SESN2: variants seen among roughly 807,000 people sequenced by gnomAD.
The protein encoded by SESN2 is sestrin-2.
A neutral mutation model predicts 56.0 loss-of-function variants in SESN2; 42 were observed. The observed-to-expected ratio is 0.75, with a 90% CI of 0.59 to 0.97. The LOEUF is 0.97. SESN2 is among the 50% of genes least tolerant of loss of function. SESN2 has a pLI of 0.00. For synonymous variants in SESN2, 264 were observed against 267.1 expected (o/e 0.99, Z 0.11); for missense variants, 507 against 649.4 (o/e 0.78, Z 2.38).
chr1:28,264,048 G>A (rs1245942519), intron 1 of SESN2, among the ~76,000 whole-genome samples: 1 of 144,608 alleles, frequency 6.9e-6, no homozygotes, highest in Non-Finnish European at 1.5e-5. Context: ...AACACAGTGA[G>A]ACCTCATCTC....
At position 28,274,045 on chromosome 1, in the gene SESN2, A is replaced by G. The variant is rs1363467521; in HGVS notation, c.907A>G (p.Ile303Val). 6 of 1,611,012 alleles carry G rather than the reference A, an allele frequency of 3.7e-6. No individual in the cohort carries two copies. The highest frequency in any genetic ancestry group is 1.7e-5 in the Admixed American group (1 of 60,012). The stretch of plus-strand genomic sequence containing the variant: ...GACCTCTTTCTGGTCCTCAGCTGAC[A>G]TCCTGGAGCCCTCTCCACACCCAGA... The part of the protein sequence containing the change: ...ESLLVTPSAD[I>V]LEPSPHPDML... Residue 303 changes from isoleucine to valine, a missense_variant, in exon 7 of 10, where the codon ATC (isoleucine) becomes GTC (valine). Coordinates refer to ENST00000253063, the MANE Select transcript of SESN2 (RefSeq NM_031459.5).
chr1:28,259,978 C>A (rs914165129), intron 1 of SESN2, 41 bp downstream of exon 1: 10 of 1,417,564 alleles, frequency 7.1e-6, no homozygotes, highest in Non-Finnish European at 7.6e-6. Context: ...CCTGGAACCC[C>A]GAACCGCGTC....
chr1:28,260,199 C>T (rs549226113), intron 1 of SESN2, among the ~76,000 whole-genome samples: 1 of 151,074 alleles, frequency 6.6e-6, no homozygotes, highest in African/African-American at 2.4e-5. Flanking sequence ...ACCCCAGGGC[C>T]GCGGATCCTT....
intron 1 of SESN2, among the ~76,000 whole-genome samples, chr1:28,262,901 C>G (rs1374326271): frequency 2.6e-5 from 4 of 152,202 alleles, no homozygotes; most frequent in Admixed American, 2.0e-4. Context: ...GTACTCCAGC[C>G]TGGGTGACAG....
intron 9 of SESN2, among the ~76,000 whole-genome samples, chr1:28,280,333 A>G (rs913263087): frequency 2.0e-5 from 3 of 152,270 alleles, no homozygotes; most frequent in Admixed American, 6.5e-5. Flanking sequence ...CAGCTTTCCA[A>G]GTAGCTGGGA....
chr1:28,270,975 A>C (rs1490456966), intron 2 of SESN2, among the ~76,000 whole-genome samples: 2 of 152,174 alleles, frequency 1.3e-5, no homozygotes, highest in Non-Finnish European at 2.9e-5. Flanking sequence ...TGAGCCCAGG[A>C]GTTCGAGACC....
intron 9 of SESN2, among the ~76,000 whole-genome samples, chr1:28,279,861 G>GTT (rs111777051): frequency 2.0e-5 from 3 of 146,692 alleles, no homozygotes; most frequent in Non-Finnish European, 3.0e-5. Flanking sequence ...TTTTTATCCT[G>GTT]TTTTTTTTTT....
In SESN2 at chr1:28,281,758, G is replaced by A. The variant is rs61785869; in HGVS notation, c.*956G>A. 2.2e-3 allele frequency: 331 copies of A among 152,402 alleles called. 1 individual carries two copies. The highest frequency in any genetic ancestry group is 3.7e-3 in the Non-Finnish European group (252 of 68,104). The allele number at this position is 152,402 out of a possible 1,614,324, so 9.4% of individuals were successfully genotyped here. A position where few individuals can be genotyped will look rare whatever the true frequency, so the allele number is the denominator to read the frequency against. ...GGCACCATGGCTCAGCAGGAGGGGC[G>A]GGAGGCACCAGGGTTCTTGTTTGGA... is the stretch of plus-strand genomic sequence containing the variant. On this transcript the variant is annotated 3_prime_UTR_variant, in exon 10 of 10. Coordinates refer to ENST00000253063, the MANE Select transcript of SESN2 (RefSeq NM_031459.5).
At position 28,281,809 on chromosome 1, in the gene SESN2, G is replaced by A. The variant is rs1484514688; in HGVS notation, c.*1007G>A. Reference sequence around the variant, plus strand: ...CCCTGCCCCTGGGCCATGGCCAGGTGACCATGGCTACATTGCCAAACCTCT... The same window carrying A: ...CCCTGCCCCTGGGCCATGGCCAGGTAACCATGGCTACATTGCCAAACCTCT... On this transcript the variant is annotated 3_prime_UTR_variant, in exon 10 of 10. Transcript: ENST00000253063. 1 of 152,224 alleles carries A rather than the reference G, an allele frequency of 6.6e-6. No homozygotes were observed. The highest frequency in any genetic ancestry group is 1.5e-5 in the Non-Finnish European group (1 of 68,086). 9.4% of individuals were successfully genotyped at this position (152,224 alleles called of 1,614,324 possible).
At chr1:28,279,632 A>G (rs1490547496) in intron 9 of SESN2, among the ~76,000 whole-genome samples, 1 of 149,962 alleles carries the variant, frequency 6.7e-6, no homozygotes, top group African/African-American at 2.5e-5. Flanking sequence ...TGCAACTTCC[A>G]CCTCCCAAGT....
Position 28,280,042 on chromosome 1 carries a change from T to G in SESN2, c.1357-674T>G, listed in dbSNP as rs115655878. On this transcript the variant is annotated intron_variant, in intron 9 of 9. Transcript: ENST00000253063. ...TAGTAGAGATAAGGTCTCACTGTGTTGTCCATCCTGGTCTCAACCTCCTGA... is the reference window on the plus strand; with the variant it reads ...TAGTAGAGATAAGGTCTCACTGTGTGGTCCATCCTGGTCTCAACCTCCTGA... Among the ~76,000 whole-genome samples the G allele has an allele frequency of 1.5e-3, 235 of 151,932 alleles. 1 individual carries two copies. Among genetic ancestry groups the G allele is most frequent in the African/African-American group, 5.5e-3 (226 of 41,454 alleles).
chr1:28,270,855 C>T (rs1032318919), intron 2 of SESN2, among the ~76,000 whole-genome samples: 5 of 152,110 alleles, frequency 3.3e-5, no homozygotes, highest in Non-Finnish European at 5.9e-5. Flanking sequence ...AGATGTGAGC[C>T]ACCGTGCCCA....
intron 2 of SESN2, 34 bp downstream of exon 2, chr1:28,269,282 C>G: frequency 6.6e-7 from 1 of 1,519,880 alleles, no homozygotes; most frequent in Non-Finnish European, 9.1e-7. Context: ...TCTTTGGTCC[C>G]TGGGAAGAAA....
intron 8 of SESN2, among the ~76,000 whole-genome samples, chr1:28,278,260 G>A (rs552814306): frequency 1.3e-5 from 2 of 152,158 alleles, no homozygotes. Flanking sequence ...CCTGAGCTAG[G>A]CAGAGCTGGG....
Position 28,272,752 on chromosome 1 carries a change from C to A in SESN2, c.709C>A (p.Gln237Lys). ...CCAGGCACCTACACCCCCTAGTGAA[C>A]AGAGCAGCCCCCCAAGCAGGGACCC... The part of the protein sequence containing the change: ...APQAPTPPSE[Q>K]SSPPSRDPLN... Residue 237 changes from glutamine to lysine, a missense_variant, in exon 5 of 10, where the codon CAG (glutamine) becomes AAG (lysine). Physicochemically the swap from Gln to Lys is moderately conservative, Grantham distance 53. Coordinates refer to ENST00000253063, the MANE Select transcript of SESN2 (RefSeq NM_031459.5). The A allele has an allele frequency of 1.2e-6, 2 of 1,609,418 alleles. No homozygotes were observed. Among genetic ancestry groups the A allele is most frequent in the Non-Finnish European group, 1.7e-6 (2 of 1,176,576 alleles).
In SESN2 at chr1:28,272,432, A is replaced by G. The variant is rs201831877; in HGVS notation, c.503A>G (p.His168Arg). The part of the protein sequence containing the change: ...KLSEINKLLA[H>R]RPWLITKEHI... ...AGCGAGATCAACAAGTTGCTGGCGCATCGGCCATGGCTCATCACCAAGGAA... is the reference window on the plus strand; with the variant it reads ...AGCGAGATCAACAAGTTGCTGGCGCGTCGGCCATGGCTCATCACCAAGGAA... The change falls in exon 4 of 10, where the codon CAT becomes CGT. Residue 168 changes from histidine to arginine, a missense_variant. Physicochemically the swap from His to Arg is conservative, Grantham distance 29 (BLOSUM62 0). Transcript: ENST00000253063. 5 of 1,613,232 alleles carry G rather than the reference A, an allele frequency of 3.1e-6. No homozygotes were observed. The highest frequency in any genetic ancestry group is 1.3e-5 in the African/African-American group (1 of 74,908).
intron 8 of SESN2, 53 bp from the exon 9 acceptor site, chr1:28,279,044 A>G: frequency 1.3e-6 from 2 of 1,596,178 alleles, no homozygotes; most frequent in South Asian, 2.2e-5. Flanking sequence ...GCGGGGAGGG[A>G]GCTGCCTTTG....
chr1:28,262,729 C>T (rs529250032), intron 1 of SESN2, among the ~76,000 whole-genome samples: 1 of 151,620 alleles, frequency 6.6e-6, no homozygotes, highest in South Asian at 2.1e-4. Context: ...GAGATTGAGA[C>T]CATTCTGGCT....
At chr1:28,274,688 C>T (rs1423718553) in intron 7 of SESN2, 137 bp from the exon 8 acceptor site, 4 of 708,842 alleles carry the variant, frequency 5.6e-6, no homozygotes, top group Non-Finnish European at 9.7e-6. Context: ...CTTGACCTCT[C>T]AGGCCCAGAG....
Sources: allele counts gnomAD v4.1 joint callset (sites outside exome capture counted in the v4.1 genomes callset), GRCh38; gene constraint gnomAD v4.1.1; transcripts MANE v1.5; gene names NCBI Gene and HGNC (gene_info 2026-07-23, HGNC 2026-07-21).